The following PRICKLE2 variants were observed in gnomAD, a reference collection of about 807,000 sequenced individuals.
PRICKLE2 encodes prickle-like protein 2.
A neutral mutation model predicts 81.4 loss-of-function variants in PRICKLE2; 21 were observed. That is an observed-to-expected ratio of 0.26 (90% confidence interval 0.18 to 0.37). PRICKLE2 has a LOEUF of 0.37. Ranked by LOEUF, PRICKLE2 falls within the 10% of genes least tolerant of loss-of-function variation. The pLI is 1.00. For synonymous variants in PRICKLE2, 456 were observed against 421.5 expected, an observed-to-expected ratio of 1.08 and a Z score of -1.00; for missense variants, 940 against 1,109.0, an observed-to-expected ratio of 0.85 and a Z score of 2.16.
At chr3:64,238,978 G>A (rs533068301) in intron 2 of PRICKLE2, among the ~76,000 whole-genome samples, 1 of 152,214 alleles carries the variant, frequency 6.6e-6, no homozygotes, top group Non-Finnish European at 1.5e-5. Context: ...GCAGTTTTCA[G>A]GCTGCCTGTT....
chr3:64,200,410 T>C (rs2078549900), intron 1 of PRICKLE2: 1 of 152,234 alleles, frequency 6.6e-6, no homozygotes, highest in Non-Finnish European at 1.5e-5. Context: ...TTATGAATAA[T>C]GATGCTCTGA....
intron 7 of PRICKLE2, among the ~76,000 whole-genome samples, chr3:64,119,964 C>G (rs1429893693): frequency 6.6e-6 from 1 of 152,104 alleles, no homozygotes; most frequent in Admixed American, 6.6e-5. Flanking sequence ...GAACAAAAAA[C>G]GAATTACCAC....
At chr3:64,215,321 C>T (rs1163357516) in intron 1 of PRICKLE2, among the ~76,000 whole-genome samples, 1 of 152,168 alleles carries the variant, frequency 6.6e-6, no homozygotes, top group Non-Finnish European at 1.5e-5. Context: ...CTCCTCGGCC[C>T]AAAACACCCT....
chr3:64,128,233 A>T (rs1013256596), intron 7 of PRICKLE2, among the ~76,000 whole-genome samples: 4 of 152,196 alleles, frequency 2.6e-5, no homozygotes, highest in Non-Finnish European at 5.9e-5. Context: ...CTTTCTCCAC[A>T]CGTGGAACAA....
intron 7 of PRICKLE2, among the ~76,000 whole-genome samples, chr3:64,118,253 C>T (rs1396381963): frequency 6.6e-6 from 1 of 152,058 alleles, no homozygotes; most frequent in Non-Finnish European, 1.5e-5. Flanking sequence ...TTGAAGAAAA[C>T]CTAGGCAATA....
At chr3:64,149,584 A>G (rs1419949920) in intron 6 of PRICKLE2, among the ~76,000 whole-genome samples, 1 of 152,184 alleles carries the variant, frequency 6.6e-6, no homozygotes, top group Admixed American at 6.5e-5. Context: ...TTCCCAGAAA[A>G]AGGGACTAAT....
At chr3:64,174,624 T>C (rs1400752714) in intron 2 of PRICKLE2, 1 of 183,550 alleles carries the variant, frequency 5.4e-6, no homozygotes, top group Non-Finnish European at 1.3e-5. Context: ...CAATGCAGAG[T>C]TCAAAGATCT....
At chr3:64,212,730 C>T (rs1217878467) in intron 1 of PRICKLE2, among the ~76,000 whole-genome samples, 1 of 152,144 alleles carries the variant, frequency 6.6e-6, no homozygotes, top group Non-Finnish European at 1.5e-5. Context: ...ATATATACAA[C>T]ATTCTTGGTA....
At chr3:64,114,336 T>A (rs1358876441) in intron 7 of PRICKLE2, among the ~76,000 whole-genome samples, 3 of 152,072 alleles carry the variant, frequency 2.0e-5, no homozygotes, top group Non-Finnish European at 4.4e-5. Flanking sequence ...AACAACCGCA[T>A]CACCTTTCCA....
intron 2 of PRICKLE2, among the ~76,000 whole-genome samples, chr3:64,265,861 G>T (rs1256782943): frequency 6.6e-6 from 1 of 152,224 alleles, no homozygotes; most frequent in African/African-American, 2.4e-5. Context: ...TTTTCCTGTT[G>T]AAGCTAAGTG....
chr3:64,154,779 G>A (rs975806601), intron 5 of PRICKLE2: 4 of 152,134 alleles, frequency 2.6e-5, no homozygotes, highest in African/African-American at 4.8e-5. Flanking sequence ...TAGAATGGGA[G>A]AAAATATTTG....
chr3:64,220,908 A>C (rs1167238043), intron 1 of PRICKLE2, among the ~76,000 whole-genome samples: 2 of 152,150 alleles, frequency 1.3e-5, no homozygotes, highest in African/African-American at 4.8e-5. Flanking sequence ...TGTACTTGAA[A>C]ATCTGCTCCT....
chr3:64,203,960 A>G (rs1487122429), intron 1 of PRICKLE2, among the ~76,000 whole-genome samples: 1 of 152,090 alleles, frequency 6.6e-6, no homozygotes, highest in Non-Finnish European at 1.5e-5. Context: ...CCTGGGTGAC[A>G]GAGCGAGATG....
At chr3:64,169,689 C>T (rs1318849424) in intron 2 of PRICKLE2, among the ~76,000 whole-genome samples, 5 of 152,228 alleles carry the variant, frequency 3.3e-5, no homozygotes, top group Admixed American at 6.5e-5. Context: ...CAGACATGAG[C>T]TGATACATTT....
chr3:64,151,622 C>T (rs1483823878), intron 6 of PRICKLE2, among the ~76,000 whole-genome samples: 5 of 152,132 alleles, frequency 3.3e-5, no homozygotes, highest in Non-Finnish European at 7.3e-5. Context: ...GCACACATGG[C>T]CCCTCTCATC....
chr3:64,167,631 C>T (rs534217088), intron 2 of PRICKLE2, among the ~76,000 whole-genome samples: 4 of 152,088 alleles, frequency 2.6e-5, no homozygotes, highest in African/African-American at 7.2e-5. Context: ...AGGAACTGCA[C>T]GTTTGATAGC....
At chr3:64,231,586 A>G (rs1432563694) in intron 2 of PRICKLE2, among the ~76,000 whole-genome samples, 1 of 152,202 alleles carries the variant, frequency 6.6e-6, no homozygotes, top group Non-Finnish European at 1.5e-5. Context: ...AATGAATGAT[A>G]TCCTAGAAAA....
chr3:64,258,778 C>A (rs4993331), intron 2 of PRICKLE2, among the ~76,000 whole-genome samples: 1 of 57,274 alleles, frequency 1.7e-5, no homozygotes, highest in African/African-American at 4.0e-5. Flanking sequence ...GAGCCGAGAT[C>A]ATGCCACTGC....
chr3:64,225,643 GC>G (rs1289165850), upstream of PRICKLE2, among the ~76,000 whole-genome samples: 1 of 151,902 alleles, frequency 6.6e-6, no homozygotes, highest in Non-Finnish European at 1.5e-5. Context: ...GGATGCAAAG[GC>G]CCAGCTACGT....
Sources: gnomAD v4.1 joint callset for allele counts (sites outside exome capture counted in the v4.1 genomes callset) on GRCh38, gnomAD v4.1.1 for gene constraint, MANE v1.5 for transcripts, NCBI Gene and HGNC (gene_info 2026-07-23, HGNC 2026-07-21) for gene names.